Variants in IARS2 observed in about 807,000 individuals in gnomAD.
The protein encoded by IARS2 is isoleucine--tRNA ligase, mitochondrial.
Under a neutral mutation model 126.3 loss-of-function variants are expected in IARS2, and 56 were observed. That is an observed-to-expected ratio of 0.44 (90% CI 0.36 to 0.55). The LOEUF (loss-of-function observed/expected upper bound fraction) is 0.55, where lower values mean the gene tolerates loss of function less well. Ranked by LOEUF, IARS2 falls within the 20% of genes least tolerant of loss-of-function variation. The pLI is 0.00. For missense variants in IARS2, 1,127 were observed against 1,245.9 expected (o/e 0.90, Z 1.44); for synonymous variants, 407 against 441.1 (o/e 0.92, Z 0.97).
intron 2 of IARS2, among the ~76,000 whole-genome samples, chr1:220,097,530 A>AT (rs1359664302): frequency 4.0e-5 from 6 of 151,412 alleles, no homozygotes; most frequent in Middle Eastern, 6.8e-3. Context: ...CGCCCGGCTA[A>AT]TTTTTTGTAT....
chr1:220,139,819 T>C (rs1422836198), intron 18 of IARS2, among the ~76,000 whole-genome samples: 1 of 152,058 alleles, frequency 6.6e-6, no homozygotes, highest in East Asian at 1.9e-4. Flanking sequence ...AAGTCAGAGG[T>C]GTACATACCA....
intron 11 of IARS2, among the ~76,000 whole-genome samples, chr1:220,112,424 G>A (rs1656825331): frequency 3.2e-5 from 2 of 61,804 alleles, no homozygotes. Flanking sequence ...GTGAGCCACC[G>A]CGCCCGGCCC....
chr1:220,140,293 T>G lies in IARS2; in HGVS notation c.2414+4T>G. 2 of 1,499,244 alleles carry G rather than the reference T, an allele frequency of 1.3e-6. No homozygotes were observed. The highest frequency in any genetic ancestry group is 1.9e-6 in the Non-Finnish European group (2 of 1,076,360). 92.9% of individuals were successfully genotyped at this position (1,499,244 alleles called of 1,614,324 possible). ...ATTTCAGTATAATCAAAGATAGGTA[T>G]GTATGACTAAATATTAAAATGCTTA... On this transcript the variant is annotated splice_donor_region_variant and intron_variant, in intron 19 of 22. Transcript: ENST00000366922.
intron 12 of IARS2, among the ~76,000 whole-genome samples, chr1:220,115,415 G>A (rs771033987): frequency 2.0e-5 from 3 of 150,330 alleles, no homozygotes. Context: ...ACAAAAATTA[G>A]CCAGGCATGG....
Position 220,102,417 on chromosome 1 carries a change from A to G in IARS2, c.749+5A>G, listed in dbSNP as rs1436066064. 8 of 1,613,476 alleles carry G rather than the reference A, an allele frequency of 5.0e-6. No individual in the cohort carries two copies. Among genetic ancestry groups the G allele is most frequent in the African/African-American group, 2.7e-5 (2 of 74,902 alleles). On this transcript the variant is annotated splice_donor_5th_base_variant and intron_variant, in intron 5 of 22. Coordinates refer to ENST00000366922, the MANE Select transcript of IARS2 (RefSeq NM_018060.4). ...GTTTTGGTCTCCGTCATCTAGGTATATATGCATTTTTCGGTAATTAAAAGG... is the reference window on the plus strand; with the variant it reads ...GTTTTGGTCTCCGTCATCTAGGTATGTATGCATTTTTCGGTAATTAAAAGG...
chr1:220,134,573 G>C, intron 15 of IARS2, 63 bp downstream of exon 15: 1 of 960,644 alleles, frequency 1.0e-6, no homozygotes, highest in Non-Finnish European at 1.6e-6. Context: ...ACTATGCTGA[G>C]TACTACAGAG....
intron 12 of IARS2, among the ~76,000 whole-genome samples, chr1:220,121,613 A>AT (rs570292833): frequency 2.0e-5 from 3 of 152,056 alleles, no homozygotes; most frequent in South Asian, 2.1e-4. Context: ...ACTTATTTTT[A>AT]TTTTTTTTAA....
intron 11 of IARS2, among the ~76,000 whole-genome samples, chr1:220,111,254 C>T (rs975193618): frequency 6.6e-6 from 1 of 152,172 alleles, no homozygotes; most frequent in Non-Finnish European, 1.5e-5. Context: ...TAACCTCCCA[C>T]TGCCTCTGTT....
chr1:220,147,435 G>GAAAC, intron 22 of IARS2, 58 bp from the exon 23 acceptor site: 1 of 1,549,532 alleles, frequency 6.5e-7, no homozygotes, highest in Non-Finnish European at 8.9e-7. Flanking sequence ...AACCAATTAA[G>GAAAC]AAACAGTGTT....
At chr1:220,098,002 GTA>G (rs1656483809) in intron 2 of IARS2, among the ~76,000 whole-genome samples, 1 of 152,128 alleles carries the variant, frequency 6.6e-6, no homozygotes, top group South Asian at 2.1e-4. Context: ...AGTCTCCCGA[GTA>G]GCTGGGACCA....
At chr1:220,096,313 A>C in intron 2 of IARS2, 87 bp downstream of exon 2, 1 of 879,628 alleles carries the variant, frequency 1.1e-6, no homozygotes, top group East Asian at 2.9e-5. Flanking sequence ...TATGATAATT[A>C]TGTAAATTTA....
At chr1:220,131,632 G>A (rs137951799) in intron 14 of IARS2, among the ~76,000 whole-genome samples, 8,190 of 151,098 alleles carry the variant, frequency 0.054, 313 homozygotes, top group Middle Eastern at 0.1. Context: ...GATTACAGGC[G>A]TGAGCCACTC....
intron 11 of IARS2, 38 bp downstream of exon 11, chr1:220,110,975 CATT>C: frequency 6.3e-7 from 1 of 1,598,778 alleles, no homozygotes; most frequent in Non-Finnish European, 8.5e-7. Context: ...TCGGGCATAT[CATT>C]CCCTCAGTAT....
intron 14 of IARS2, among the ~76,000 whole-genome samples, chr1:220,128,012 G>A (rs569530791): frequency 3.5e-4 from 53 of 152,264 alleles, no homozygotes; most frequent in African/African-American, 1.3e-3. Flanking sequence ...GTAGCAGACT[G>A]CATATATGAT....
At position 220,094,367 on chromosome 1, in the gene IARS2, C is replaced by T. The variant is rs1424440412; in HGVS notation, c.151C>T (p.His51Tyr). 2 of 1,613,194 alleles carry T rather than the reference C, an allele frequency of 1.2e-6. No individual in the cohort carries two copies. The highest frequency in any genetic ancestry group is 8.5e-7 in the Non-Finnish European group (1 of 1,179,736). Residue 51 changes from histidine (H) to tyrosine (Y), a missense_variant, in exon 1 of 23, where the codon CAC becomes TAC. Transcript: ENST00000366922. Reference protein sequence around the residue: ...LVRSVSGASNHQPNSNSGRYR... With the variant: ...LVRSVSGASNYQPNSNSGRYR... Reference sequence around the variant, plus strand: ...GCGGTCGGTCTCCGGGGCCAGTAACCACCAGCCGAACTCGAATAGTGGCAG... The same window carrying T: ...GCGGTCGGTCTCCGGGGCCAGTAACTACCAGCCGAACTCGAATAGTGGCAG...
chr1:220,108,236 A>G (rs1656721013), intron 10 of IARS2, among the ~76,000 whole-genome samples: 1 of 151,236 alleles, frequency 6.6e-6, no homozygotes, highest in Non-Finnish European at 1.5e-5. Context: ...TAATTTTTGT[A>G]TTTTTAGTAG....
intron 1 of IARS2, among the ~76,000 whole-genome samples, chr1:220,095,383 A>C (rs1656417419): frequency 6.6e-6 from 1 of 152,178 alleles, no homozygotes; most frequent in Admixed American, 6.5e-5. Context: ...TAGCTTCTGT[A>C]ATTCTAGTCT....
At chr1:220,114,139 G>A (rs1656867903) in intron 11 of IARS2, among the ~76,000 whole-genome samples, 175 bp from the exon 12 acceptor site, 2 of 151,984 alleles carry the variant, frequency 1.3e-5, no homozygotes, top group Admixed American at 1.3e-4. Context: ...TTTTTACTTT[G>A]CCTTATTTGC....
rs747746992 is a variant in IARS2, at chr1:220,126,801, A to G, written c.1795A>G (p.Ile599Val). 6.2e-7 allele frequency: 1 copy of G among 1,613,432 alleles called. No homozygotes were observed. Among genetic ancestry groups the G allele is most frequent in the East Asian group, 2.2e-5 (1 of 44,848 alleles). The change falls in exon 14 of 23, where the codon ATC becomes GTC. Residue 599 changes from isoleucine (I) to valine (V), a missense_variant. Physicochemically the swap from Ile to Val is conservative, Grantham distance 29. Transcript: ENST00000366922. ...EYVPGQDILD[I>V]WFDSGTSWSY... ...TGTGCCAGGTCAGGATATTTTGGAC[A>G]TCTGGTTTGATAGCGGAACTTCATG...
Sources: allele counts gnomAD v4.1 joint callset (sites outside exome capture counted in the v4.1 genomes callset), GRCh38; gene constraint gnomAD v4.1.1; transcripts MANE v1.5; gene names NCBI Gene and HGNC (gene_info 2026-07-23, HGNC 2026-07-21).